Variants in CNTNAP2 observed in about 807,000 individuals in gnomAD.
CNTNAP2 encodes contactin associated protein 2, also known as contactin-associated protein-like 2.
A neutral mutation model predicts 155.2 loss-of-function variants in CNTNAP2; 98 were observed. The ratio of observed to expected loss-of-function variants is 0.63; its 90% CI spans 0.54 to 0.75. The LOEUF (loss-of-function observed/expected upper bound fraction) is 0.75. Among genes scored for constraint, CNTNAP2 ranks in the 30% least tolerant of loss-of-function variants. The pLI, the probability that CNTNAP2 is intolerant of heterozygous loss-of-function variation, is 0.00. For synonymous variants in CNTNAP2, 651 were observed against 631.2 expected, an observed-to-expected ratio of 1.03 and a Z score of -0.47; for missense variants, 1,727 against 1,688.1, an observed-to-expected ratio of 1.02 and a Z score of -0.40.
At chr7:147,885,059 T>C (rs764583258) in intron 13 of CNTNAP2, among the ~76,000 whole-genome samples, 4 of 152,230 alleles carry the variant, frequency 2.6e-5, no homozygotes, top group Non-Finnish European at 5.9e-5. Flanking sequence ...GTAACAAGTA[T>C]TGGGTTGGTG....
At chr7:147,979,686 G>A (rs550693126) in intron 15 of CNTNAP2, among the ~76,000 whole-genome samples, 3 of 152,100 alleles carry the variant, frequency 2.0e-5, no homozygotes, top group South Asian at 2.1e-4. Context: ...ACAGCGGTAC[G>A]ATCTCAGCTC....
chr7:147,610,259 ATTCTGAGTAAAGTTTAAGGGTG>A (rs1281710305), intron 12 of CNTNAP2, among the ~76,000 whole-genome samples: 3 of 152,074 alleles, frequency 2.0e-5, no homozygotes, highest in African/African-American at 7.2e-5. Flanking sequence ...CCACTTAAAT[ATTCTGAGTAAAGTTTAAGGGTG>A]TTGTAGTTTT....
In CNTNAP2 at chr7:148,052,416, C is replaced by T. The variant is rs548799736; in HGVS notation, c.2384-65702C>T. ...TCAGTAAAGGTGTAAAAAGTGTTTC[C>T]AATCAAAGAAATACAAACTGAAACA... is the stretch of plus-strand genomic sequence containing the variant. On this transcript the variant is annotated intron_variant, in intron 15 of 23. Coordinates refer to ENST00000361727, the MANE Select transcript of CNTNAP2 (RefSeq NM_014141.6). Among the ~76,000 whole-genome samples the T allele has an allele frequency of 7.4e-5, 11 of 148,812 alleles. No homozygotes were observed. The South Asian group carries it at 2.1e-3, about 28-fold the overall frequency.
intron 11 of CNTNAP2, among the ~76,000 whole-genome samples, chr7:147,544,859 A>G (rs1195047278): frequency 2.6e-4 from 39 of 152,070 alleles, no homozygotes; most frequent in Non-Finnish European, 2.9e-5. Context: ...CTTGCCTGCC[A>G]CCATGTAAGA....
intron 21 of CNTNAP2, among the ~76,000 whole-genome samples, chr7:148,361,758 G>T (rs1798625674): frequency 6.6e-6 from 1 of 152,196 alleles, no homozygotes; most frequent in Non-Finnish European, 1.5e-5. Context: ...AATTTGTAAA[G>T]AAAAGAGGTT....
At chr7:148,145,339 A>G (rs1241824879) in intron 16 of CNTNAP2, among the ~76,000 whole-genome samples, 1 of 152,192 alleles carries the variant, frequency 6.6e-6, no homozygotes, top group Non-Finnish European at 1.5e-5. Flanking sequence ...ATCTATTGGG[A>G]CAAGCAAAAA....
intron 13 of CNTNAP2, among the ~76,000 whole-genome samples, chr7:147,806,828 G>A (rs117802239): frequency 7.2e-5 from 11 of 152,212 alleles, no homozygotes; most frequent in African/African-American, 2.6e-4. Context: ...GTAGAATGAT[G>A]GTTACCAGAC....
At chr7:148,084,258 A>G (rs1445778843) in intron 15 of CNTNAP2, among the ~76,000 whole-genome samples, 2 of 152,232 alleles carry the variant, frequency 1.3e-5, no homozygotes, top group Non-Finnish European at 2.9e-5. Flanking sequence ...TGGAAGCCAC[A>G]TAAGAGTTTT....
At chr7:147,131,271 T>G (rs982922181) in intron 7 of CNTNAP2, among the ~76,000 whole-genome samples, 1 of 151,012 alleles carries the variant, frequency 6.6e-6, no homozygotes, top group Admixed American at 6.6e-5. Context: ...ATATATGGTG[T>G]TGTTAAAAAT....
At chr7:147,115,749 A>G (rs1004965327) in intron 5 of CNTNAP2, among the ~76,000 whole-genome samples, 1 of 152,132 alleles carries the variant, frequency 6.6e-6, no homozygotes, top group African/African-American at 2.4e-5. Context: ...TGCATGGGGT[A>G]CAACATGCTC....
intron 1 of CNTNAP2, among the ~76,000 whole-genome samples, chr7:146,266,547 C>A (rs1004638098): frequency 6.6e-6 from 1 of 152,040 alleles, no homozygotes; most frequent in Non-Finnish European, 1.5e-5. Context: ...TGTTCTCTAT[C>A]TCACCAAAAA....
At chr7:146,300,975 C>G (rs982509724) in intron 1 of CNTNAP2, among the ~76,000 whole-genome samples, 1 of 152,082 alleles carries the variant, frequency 6.6e-6, no homozygotes, top group African/African-American at 2.4e-5. Flanking sequence ...GTGGACTGTT[C>G]AACATAACAG....
intron 9 of CNTNAP2, among the ~76,000 whole-genome samples, chr7:147,306,338 C>T (rs907707555): frequency 6.6e-6 from 1 of 152,134 alleles, no homozygotes; most frequent in African/African-American, 2.4e-5. Context: ...AAGTTAGAGG[C>T]ATTCAAACAA....
intron 13 of CNTNAP2, among the ~76,000 whole-genome samples, chr7:147,848,958 TTA>T (rs1798870455): frequency 6.6e-6 from 1 of 152,114 alleles, no homozygotes; most frequent in Non-Finnish European, 1.5e-5. Flanking sequence ...CATCTCCATA[TTA>T]GAGATTCTGT....
intron 17 of CNTNAP2, among the ~76,000 whole-genome samples, chr7:148,171,155 T>A (rs1805786543): frequency 6.6e-6 from 1 of 152,176 alleles, no homozygotes; most frequent in African/African-American, 2.4e-5. Context: ...ATAATGCAAA[T>A]AATATCTACT....
chr7:148,294,189 C>T (rs1797242053), intron 21 of CNTNAP2, among the ~76,000 whole-genome samples: 1 of 151,930 alleles, frequency 6.6e-6, no homozygotes, highest in African/African-American at 2.4e-5. Context: ...TATATTATAA[C>T]CTCTCCATTC....
At chr7:148,296,145 A>G (rs1797280699) in intron 21 of CNTNAP2, among the ~76,000 whole-genome samples, 1 of 152,174 alleles carries the variant, frequency 6.6e-6, no homozygotes, top group Admixed American at 6.5e-5. Context: ...CAAGACAGGT[A>G]TCTCTTCATG....
intron 9 of CNTNAP2, among the ~76,000 whole-genome samples, chr7:147,378,428 A>G (rs1402101272): frequency 6.6e-6 from 1 of 152,094 alleles, no homozygotes; most frequent in Non-Finnish European, 1.5e-5. Flanking sequence ...CAGCCATATA[A>G]AAGAATGAGA....
rs148030117 is a variant in CNTNAP2 at position 146,506,479 on chromosome 7, C to T, written c.98-267792C>T. ...CTGCTGCAGCCATAGAGCTACATCT[C>T]GTGTAGGTGCTGACTCCAACCACCG... On this transcript the variant is annotated intron_variant, in intron 1 of 23. Coordinates refer to ENST00000361727, the MANE Select transcript of CNTNAP2 (RefSeq NM_014141.6). Among the ~76,000 whole-genome samples the T allele has an allele frequency of 4.7e-4, 72 of 152,330 alleles. No homozygotes were observed. In the East Asian group the frequency reaches 0.011, roughly 23 times the overall value.
Sources: allele counts gnomAD v4.1 joint callset (sites outside exome capture counted in the v4.1 genomes callset), GRCh38; gene constraint gnomAD v4.1.1; transcripts MANE v1.5; gene names NCBI Gene and HGNC (gene_info 2026-07-23, HGNC 2026-07-21).